Variants in DSCAM observed in about 807,000 individuals in gnomAD.
DSCAM encodes the protein DS cell adhesion molecule.
DSCAM carries 47 observed loss-of-function variants against 217.7 expected under a neutral mutation model. The observed-to-expected ratio is 0.22, with a 90% confidence interval of 0.17 to 0.28. DSCAM has a LOEUF of 0.28. Ranked by LOEUF, DSCAM falls within the 10% of genes least tolerant of loss-of-function variation. The pLI is 1.00. For synonymous variants in DSCAM, 1,056 were observed against 1,015.3 expected, an observed-to-expected ratio of 1.04 and a Z score of -0.76; for missense variants, 2,080 against 2,618.3, an observed-to-expected ratio of 0.79 and a Z score of 4.49.
chr21:40,637,841 T>A (rs1003646684), intron 3 of DSCAM, among the ~76,000 whole-genome samples: 4 of 150,400 alleles, frequency 2.7e-5, no homozygotes, highest in African/African-American at 9.8e-5. Context: ...CCTGGCTAAT[T>A]TTTGTAGTTT....
At chr21:40,422,528 G>A (rs2075434784) in intron 3 of DSCAM, among the ~76,000 whole-genome samples, 2 of 152,086 alleles carry the variant, frequency 1.3e-5, no homozygotes, top group African/African-American at 4.8e-5. Flanking sequence ...TATAATTCCA[G>A]CTACTCAGGA....
At chr21:40,650,589 T>C (rs915825178) in intron 3 of DSCAM, among the ~76,000 whole-genome samples, 3 of 151,902 alleles carry the variant, frequency 2.0e-5, no homozygotes, top group Admixed American at 1.3e-4. Context: ...TCCACTCTCT[T>C]TTCTTGAGCT....
At chr21:40,844,114 T>C (rs1024334304) in intron 1 of DSCAM, among the ~76,000 whole-genome samples, 1 of 152,226 alleles carries the variant, frequency 6.6e-6, no homozygotes, top group African/African-American at 2.4e-5. Context: ...ATATGACAGT[T>C]GTTGACAAAA....
chr21:40,260,175 G>A (rs1489424622), intron 11 of DSCAM, among the ~76,000 whole-genome samples: 2 of 152,212 alleles, frequency 1.3e-5, no homozygotes, highest in Admixed American at 1.3e-4. Flanking sequence ...TTTGGAATGA[G>A]AAGATCCTTA....
intron 6 of DSCAM, among the ~76,000 whole-genome samples, chr21:40,342,385 C>T (rs1297589313): frequency 1.3e-5 from 2 of 151,220 alleles, no homozygotes; most frequent in Admixed American, 6.6e-5. Flanking sequence ...TTAATGCTTT[C>T]TGTGTCCTAA....
At chr21:40,168,904 T>G (rs1009668674) in intron 15 of DSCAM, among the ~76,000 whole-genome samples, 2 of 152,204 alleles carry the variant, frequency 1.3e-5, no homozygotes, top group Non-Finnish European at 2.9e-5. Context: ...GTGACTCCAT[T>G]TCTCTCTATA....
intron 32 of DSCAM, among the ~76,000 whole-genome samples, chr21:40,021,172 C>A (rs1297868641): frequency 7.2e-6 from 1 of 138,060 alleles, no homozygotes; most frequent in Non-Finnish European, 1.5e-5. Context: ...AAACGTAGCA[C>A]TCTAACCTGG....
Position 40,514,106 on chromosome 21 carries a change from A to T in DSCAM, c.509-144861T>A, listed in dbSNP as rs537554227. On this transcript the variant is annotated intron_variant, in intron 3 of 32. Coordinates refer to ENST00000400454, the MANE Select transcript of DSCAM (RefSeq NM_001389.5). ...CTTGAAGGCACACATTTTTCGTCAA[A>T]AATGTGCCAAAATGAAAGCAACCTC... 7.9e-5 allele frequency among the ~76,000 whole-genome samples: 12 copies of T among 152,302 alleles called. No homozygotes were observed. The East Asian group carries it at 2.1e-3, about 27-fold the overall frequency.
At chr21:40,711,650 C>T (rs780323754) in intron 1 of DSCAM, among the ~76,000 whole-genome samples, 1 of 152,226 alleles carries the variant, frequency 6.6e-6, no homozygotes, top group Non-Finnish European at 1.5e-5. Context: ...GAGTCCTACA[C>T]TGGGAACCAG....
chr21:40,459,362 T>C (rs1386324806), intron 3 of DSCAM, among the ~76,000 whole-genome samples: 3 of 152,128 alleles, frequency 2.0e-5, no homozygotes, highest in Admixed American at 1.3e-4. Flanking sequence ...GAAAGGAAAT[T>C]ACCATTGTTT....
chr21:40,351,806 A>G (rs2123642861), intron 5 of DSCAM, among the ~76,000 whole-genome samples: 1 of 152,250 alleles, frequency 6.6e-6, no homozygotes, highest in Admixed American at 6.5e-5. Flanking sequence ...GAGAGAAAGC[A>G]GTAACATACT....
At chr21:40,304,552 G>A (rs1228151742) in intron 9 of DSCAM, among the ~76,000 whole-genome samples, 1 of 152,194 alleles carries the variant, frequency 6.6e-6, no homozygotes, top group Admixed American at 6.5e-5. Flanking sequence ...CCCAGCTTCC[G>A]GCCTCTCTTG....
Position 40,372,597 on chromosome 21 carries a change from A to T in DSCAM, c.509-3352T>A, listed in dbSNP as rs140055344. ...GTCTCAGAAGCTATGTGGCATCTCA[A>T]GATGCATGGAATGGTCCCAGACTGC... On this transcript the variant is annotated intron_variant, in intron 3 of 32. Transcript: ENST00000400454. 2.2e-3 allele frequency among the ~76,000 whole-genome samples: 335 copies of T among 152,318 alleles called. 2 individuals carry two copies. The highest frequency in any genetic ancestry group is 7.7e-3 in the African/African-American group (322 of 41,580).
chr21:40,623,778 T>C (rs933885066), intron 3 of DSCAM, among the ~76,000 whole-genome samples: 1 of 152,232 alleles, frequency 6.6e-6, no homozygotes, highest in Non-Finnish European at 1.5e-5. Flanking sequence ...TATGTAAATA[T>C]GTGGTCAAGA....
chr21:40,337,796 G>C (rs2074443378), intron 8 of DSCAM, among the ~76,000 whole-genome samples: 1 of 152,304 alleles, frequency 6.6e-6, no homozygotes, highest in Middle Eastern at 3.4e-3. Flanking sequence ...AAAATTATCT[G>C]AGAGATGACT....
At chr21:40,691,233 T>C (rs562104235) in intron 3 of DSCAM, among the ~76,000 whole-genome samples, 1 of 152,334 alleles carries the variant, frequency 6.6e-6, no homozygotes, top group South Asian at 2.1e-4. Flanking sequence ...ATAACATGTG[T>C]CACCTCCAAG....
chr21:40,576,322 T>C (rs1252918535), intron 3 of DSCAM, among the ~76,000 whole-genome samples: 1 of 152,226 alleles, frequency 6.6e-6, no homozygotes, highest in Admixed American at 6.5e-5. Context: ...TAAGAATACA[T>C]ACCACTTGCT....
chr21:40,415,910 C>A (rs1316411133), intron 3 of DSCAM, among the ~76,000 whole-genome samples: 3 of 152,118 alleles, frequency 2.0e-5, no homozygotes, highest in Non-Finnish European at 4.4e-5. Flanking sequence ...ATTAATGACA[C>A]ATAGGTTTTA....
intron 1 of DSCAM, among the ~76,000 whole-genome samples, chr21:40,798,077 C>T (rs548654405): frequency 7.9e-5 from 12 of 152,018 alleles, no homozygotes; most frequent in South Asian, 6.2e-4. Flanking sequence ...AGCCTGGAGC[C>T]GCTTTAAGAT....
Sources: gnomAD v4.1 joint callset for allele counts (sites outside exome capture counted in the v4.1 genomes callset) on GRCh38, gnomAD v4.1.1 for gene constraint, MANE v1.5 for transcripts, NCBI Gene and HGNC (gene_info 2026-07-23, HGNC 2026-07-21) for gene names.